The following SENP3 variants were observed in gnomAD, a reference collection of about 807,000 sequenced individuals.
The protein encoded by SENP3 is sentrin-specific protease 3.
SENP3 carries 11 observed loss-of-function variants against 66.2 expected under a neutral mutation model. The observed-to-expected ratio is 0.17, with a 90% confidence interval of 0.10 to 0.28. The LOEUF (loss-of-function observed/expected upper bound fraction) is 0.28. SENP3 is among the 10% of genes least tolerant of loss of function. The pLI is 1.00. For synonymous variants in SENP3, 292 were observed against 277.6 expected (o/e 1.05, Z -0.52); for missense variants, 548 against 743.7 (o/e 0.74, Z 3.06).
Position 7,563,049 on chromosome 17 carries a change from G to T in SENP3, c.-11-17G>T. 6.9e-7 allele frequency: 1 copy of T among 1,452,640 alleles called. No individual in the cohort carries two copies. Among genetic ancestry groups the T allele is most frequent in the Admixed American group, 2.7e-5 (1 of 37,168 alleles). 90.0% of individuals were successfully genotyped at this position (1,452,640 alleles called of 1,614,324 possible). ...GGTGATGCTTAGATTTTGATACCCTGATCTTTTGTTTTTCAGGGTACTGGA... is the reference window on the plus strand; with the variant it reads ...GGTGATGCTTAGATTTTGATACCCTTATCTTTTGTTTTTCAGGGTACTGGA... On this transcript the variant is annotated splice_polypyrimidine_tract_variant and intron_variant, in intron 1 of 10. Transcript: ENST00000321337.
chr17:7,566,773 C>G, intron 6 of SENP3, 154 bp from the exon 7 acceptor site: 1 of 624,110 alleles, frequency 1.6e-6, no homozygotes, highest in South Asian at 1.9e-5. Context: ...AGTTTGAGAC[C>G]AACCTGGGCA....
Position 7,570,787 on chromosome 17 carries a change from A to G in SENP3, c.1563+23A>G, listed in dbSNP as rs1391661064. 1.2e-6 allele frequency: 2 copies of G among 1,606,636 alleles called. No homozygotes were observed. Among genetic ancestry groups the G allele is most frequent in the Non-Finnish European group, 1.7e-6 (2 of 1,175,780 alleles). On this transcript the variant is annotated intron_variant, in intron 9 of 10. Transcript: ENST00000321337. This position sits in a 1 kb window ranked among gnomAD's most constrained non-coding sequence, Gnocchi z 5.4. ...ATGGTGAGTTTCCTGAGGGAGGGGT[A>G]TAGGGTGTTGGTGGGGACAGTGGTA...
chr17:7,567,005 G>A lies in SENP3; in HGVS notation c.1341+1G>A. 1 of 1,551,744 alleles carries A rather than the reference G, an allele frequency of 6.4e-7. No individual in the cohort carries two copies. The highest frequency in any genetic ancestry group is 1.9e-5 in the Admixed American group (1 of 52,284). ...TGGGGTGAAAAGGTGGACCAAAAAC[G>A]TGAGTTTTGAATTCACATCCACTTG... On this transcript the variant is annotated splice_donor_variant, in intron 7 of 10. Transcript: ENST00000321337. LOFTEE classifies it high-confidence loss of function.
In SENP3 at chr17:7,570,874, C is replaced by T. The variant is rs141894545; in HGVS notation, c.1564-9C>T. 3.7e-6 allele frequency: 6 copies of T among 1,612,770 alleles called. No homozygotes were observed. The highest frequency in any genetic ancestry group is 3.3e-5 in the South Asian group (3 of 90,852). On this transcript the variant is annotated splice_polypyrimidine_tract_variant and intron_variant, in intron 9 of 10. Transcript: ENST00000321337. This position sits in a 1 kb window ranked among gnomAD's most constrained non-coding sequence, Gnocchi z 5.4. ...CATGTGAAGGGCCTGCTTTCTTTCT[C>T]TTCTCTAGAATGTGGCCAGGCAGAA...
intron 2 of SENP3, 28 bp downstream of exon 2, chr17:7,563,819 C>T (rs746453694): frequency 2.2e-5 from 15 of 677,126 alleles, no homozygotes; most frequent in Admixed American, 5.0e-5. Flanking sequence ...TGTGGGGTTG[C>T]GGGGGAGGGG....
At chr17:7,564,396 T>G in intron 2 of SENP3, 1 of 707,644 alleles carries the variant, frequency 1.4e-6, no homozygotes, top group East Asian at 2.8e-5. Flanking sequence ...TTTTTCTTTC[T>G]TCCTGTCTAT....
In SENP3 at chr17:7,570,670, C is replaced by G; in HGVS notation, c.1480-11C>G. On this transcript the variant is annotated splice_polypyrimidine_tract_variant and intron_variant, in intron 8 of 10. Transcript: ENST00000321337. The surrounding 1 kb of genome is among the most constrained non-coding windows in gnomAD (Gnocchi z 5.4). Reference sequence around the variant, plus strand: ...CTTAGGGCATCACTTTCTTTTCCCCCATCCACATAGCATATTGCCAAGTAT... The same window carrying G: ...CTTAGGGCATCACTTTCTTTTCCCCGATCCACATAGCATATTGCCAAGTAT... 2 of 1,610,884 alleles carry G rather than the reference C, an allele frequency of 1.2e-6. No homozygotes were observed. The highest frequency in any genetic ancestry group is 1.1e-5 in the South Asian group (1 of 90,482).
intron 2 of SENP3, 101 bp from the exon 3 acceptor site, chr17:7,564,524 T>C: frequency 1.3e-6 from 2 of 1,505,252 alleles, no homozygotes; most frequent in South Asian, 2.4e-5. Context: ...CAGTGTATCC[T>C]TCTTGCGGTC....
In SENP3 at chr17:7,570,410, T is replaced by C. The variant is rs2071303340; in HGVS notation, c.1396T>C (p.Trp466Arg). 1 of 1,613,822 alleles carries C rather than the reference T, an allele frequency of 6.2e-7. No homozygotes were observed. Among genetic ancestry groups the C allele is most frequent in the Non-Finnish European group, 8.5e-7 (1 of 1,179,896 alleles). ...AATCCCCATCCACCTGGAGGTGCAT[T>C]GGTCCCTCATCTCTGTTGATGTGAG... ...LLIPIHLEVH[W>R]SLISVDVRRR... Residue 466 changes from tryptophan to arginine, a missense_variant, in exon 8 of 11, where the codon TGG becomes CGG. Trp to Arg is a moderately radical substitution (Grantham distance 101). Transcript: ENST00000321337. The surrounding 1 kb of genome is among the most constrained non-coding windows in gnomAD (Gnocchi z 5.4).
At position 7,564,674 on chromosome 17, in the gene SENP3, A is replaced by C. The variant is rs1248233237; in HGVS notation, c.765A>C (p.Pro255=). 2 of 1,613,914 alleles carry C rather than the reference A, an allele frequency of 1.2e-6. No individual in the cohort carries two copies. Among genetic ancestry groups the C allele is most frequent in the East Asian group, 4.5e-5 (2 of 44,898 alleles). Residue 255 remains proline (P), a synonymous_variant, in exon 3 of 11, where the codon CCA becomes CCC. Coordinates refer to ENST00000321337, the MANE Select transcript of SENP3 (RefSeq NM_015670.6). ...LPNGFGGQSG[P]EGERSLAPPD... Reference sequence around the variant, plus strand: ...ACGGTTTTGGGGGACAATCTGGGCCAGAAGGGGAGCGCAGCTTGGCACCCC... The same window carrying C: ...ACGGTTTTGGGGGACAATCTGGGCCCGAAGGGGAGCGCAGCTTGGCACCCC...
chr17:7,565,531 G>A lies in SENP3; in HGVS notation c.1159G>A (p.Val387Met), dbSNP rs763858852. 1 of 1,613,918 alleles carries A rather than the reference G, an allele frequency of 6.2e-7. No individual in the cohort carries two copies. The highest frequency in any genetic ancestry group is 8.5e-7 in the Non-Finnish European group (1 of 1,179,860). The change falls in exon 5 of 11, where the codon GTG becomes ATG. Residue 387 changes from valine (V) to methionine (M), a missense_variant. Physicochemically the swap from Val to Met is conservative, Grantham distance 21. Transcript: ENST00000321337. ...RGFRVAYKRH[V>M]LTMDDLGTLY... Reference sequence around the variant, plus strand: ...CTTCCGAGTGGCTTATAAGCGGCACGTGCTGACCATGGATGACTTGGGGAC... The same window carrying A: ...CTTCCGAGTGGCTTATAAGCGGCACATGCTGACCATGGATGACTTGGGGAC...
Position 7,565,778 on chromosome 17 carries a change from G to C in SENP3, c.1263+14G>C, listed in dbSNP as rs1166453678. 3 of 1,613,348 alleles carry C rather than the reference G, an allele frequency of 1.9e-6. No homozygotes were observed. Among genetic ancestry groups the C allele is most frequent in the Non-Finnish European group, 2.5e-6 (3 of 1,179,438 alleles). ...GTCCCTGAAAAGGTAGGCCCAACCA[G>C]ATAGGTCAGTACCCAGAGGAACTTC... On this transcript the variant is annotated intron_variant, in intron 6 of 10. Coordinates refer to ENST00000321337, the MANE Select transcript of SENP3 (RefSeq NM_015670.6).
rs868531055 is a variant in SENP3, at chr17:7,562,271, C to T, written c.-12+8C>T. 4 of 398,284 alleles carry T rather than the reference C, an allele frequency of 1.0e-5. No homozygotes were observed. Among genetic ancestry groups the T allele is most frequent in the Non-Finnish European group, 1.3e-5 (3 of 225,764 alleles). 24.7% of individuals were successfully genotyped at this position (398,284 alleles called of 1,614,324 possible). A position where few individuals can be genotyped will look rare whatever the true frequency, so the allele number is the denominator to read the frequency against. Reference sequence around the variant, plus strand: ...CCGGCTTCCCCGCTCCCGGTGAGGACGCCCCCTCCCCTCCCCCCAGCCCTG... The same window carrying T: ...CCGGCTTCCCCGCTCCCGGTGAGGATGCCCCCTCCCCTCCCCCCAGCCCTG... On this transcript the variant is annotated splice_region_variant and intron_variant, in intron 1 of 10. Coordinates refer to ENST00000321337, the MANE Select transcript of SENP3 (RefSeq NM_015670.6). The surrounding 1 kb of genome is among the most constrained non-coding windows in gnomAD (Gnocchi z 5.0).
Position 7,562,623 on chromosome 17 carries a change from C to CA in SENP3, c.-12+361dup, listed in dbSNP as rs754555373. 1.6e-4 allele frequency among the ~76,000 whole-genome samples: 24 copies of CA among 152,234 alleles called. No individual in the cohort carries two copies. The highest frequency in any genetic ancestry group is 3.3e-4 in the Admixed American group (5 of 15,282). ...AGCCTTCCCATGCCCCCCGTTCATC[C>CA]AGGGTGTTAGAGAACTGTCTCCCAT... On this transcript the variant is annotated intron_variant, in intron 1 of 10. Transcript: ENST00000321337. This position sits in a 1 kb window ranked among gnomAD's most constrained non-coding sequence, Gnocchi z 5.0.
intron 6 of SENP3, 62 bp from the exon 7 acceptor site, chr17:7,566,865 G>A (rs2071273414): frequency 8.4e-7 from 1 of 1,188,320 alleles, no homozygotes; most frequent in Non-Finnish European, 1.2e-6. Context: ...GAGGAGGGGA[G>A]ACTTAGTGGG....
rs200612677 is a variant in SENP3 at position 7,570,740 on chromosome 17, G to A, written c.1539G>A (p.Gln513=). The change falls in exon 9 of 11, where the codon CAG becomes CAA. Residue 513 remains glutamine (Q), a synonymous_variant. Coordinates refer to ENST00000321337, the MANE Select transcript of SENP3 (RefSeq NM_015670.6). The surrounding 1 kb of genome is among the most constrained non-coding windows in gnomAD (Gnocchi z 5.4). Reference sequence around the variant, plus strand: ...AGAAAGACCGACTGGATTTCCACCAGGGCTGGAAAGGTTACTTCAAAATGG... The same window carrying A: ...AGAAAGACCGACTGGATTTCCACCAAGGCTGGAAAGGTTACTTCAAAATGG... The part of the protein sequence containing the change: ...AVKKDRLDFH[Q]GWKGYFKMNV... The A allele has an allele frequency of 1.2e-4, 195 of 1,612,274 alleles. 1 individual carries two copies. The African/African-American group carries it at 2.0e-3, about 16-fold the overall frequency.
chr17:7,564,391 C>T (rs1421108988), intron 2 of SENP3: 13 of 693,030 alleles, frequency 1.9e-5, no homozygotes, highest in Admixed American at 1.3e-4. Flanking sequence ...AATCCTTTTT[C>T]TTTCTTCCTG....
rs1024191255 is a variant in SENP3 at position 7,563,748 on chromosome 17, T to G, written c.672T>G (p.Asp224Glu). The G allele has an allele frequency of 6.2e-7, 1 of 1,601,492 alleles. No individual in the cohort carries two copies. The highest frequency in any genetic ancestry group is 1.4e-5 in the African/African-American group (1 of 73,948). Residue 224 changes from aspartate to glutamate, a missense_variant, in exon 2 of 11, where the codon GAT becomes GAG. Asp to Glu is a conservative substitution (Grantham distance 45). Coordinates refer to ENST00000321337, the MANE Select transcript of SENP3 (RefSeq NM_015670.6). The stretch of plus-strand genomic sequence containing the variant: ...CCTCTGGGCCCCCCATGGAGGAAGA[T>G]GGACTCAGGTGGACTCCAAAGTCTC... ...PVPSGPPMEE[D>E]GLRWTPKSPL...
chr17:7,570,085 G>C lies in SENP3; in HGVS notation c.1342-271G>C, dbSNP rs1369714673. Among the ~76,000 whole-genome samples the C allele has an allele frequency of 6.6e-6, 1 of 152,164 alleles. No homozygotes were observed. Among genetic ancestry groups the C allele is most frequent in the Non-Finnish European group, 1.5e-5 (1 of 68,026 alleles). On this transcript the variant is annotated intron_variant, in intron 7 of 10. Transcript: ENST00000321337. The surrounding 1 kb of genome is among the most constrained non-coding windows in gnomAD (Gnocchi z 5.4). ...GAATCCTGGGCCTGGGTTCTTAGCT[G>C]CTAAGTGCTTCTCCCTTTAAAGTGT...
Sources: allele counts gnomAD v4.1 joint callset (sites outside exome capture counted in the v4.1 genomes callset), GRCh38; gene constraint gnomAD v4.1.1; non-coding constraint Gnocchi (gnomAD v3.1); transcripts MANE v1.5; gene names NCBI Gene and HGNC (gene_info 2026-07-23, HGNC 2026-07-21).